Variants in CADM1 observed in about 807,000 individuals in gnomAD.
CADM1 encodes the protein cell adhesion molecule 1.
Under a neutral mutation model 53.1 loss-of-function variants are expected in CADM1, and 15 were observed. That is an observed-to-expected ratio of 0.28 (90% CI 0.19 to 0.44). The LOEUF (loss-of-function observed/expected upper bound fraction) is 0.44. CADM1 is among the 20% of genes least tolerant of loss of function. The pLI, the probability that CADM1 is intolerant of heterozygous loss-of-function variation, is 1.00. For synonymous variants in CADM1, 281 were observed against 243.0 expected (o/e 1.16, Z -1.45); for missense variants, 434 against 611.3 (o/e 0.71, Z 3.06).
intron 1 of CADM1, among the ~76,000 whole-genome samples, chr11:115,410,460 GAAAAAT>G (rs1486767076): frequency 1.3e-5 from 2 of 151,954 alleles, no homozygotes; most frequent in Non-Finnish European, 2.9e-5. Context: ...TCCTCTCTAA[GAAAAAT>G]AAACAAAGTC....
intron 1 of CADM1, among the ~76,000 whole-genome samples, chr11:115,282,593 G>T (rs1485405598): frequency 6.6e-6 from 1 of 152,182 alleles, no homozygotes; most frequent in East Asian, 1.9e-4. Context: ...CTAGGAAAGT[G>T]TTGGCAATTT....
chr11:115,463,108 C>T (rs1251449971), intron 1 of CADM1, among the ~76,000 whole-genome samples: 2 of 152,140 alleles, frequency 1.3e-5, no homozygotes, highest in East Asian at 1.9e-4. Context: ...AACACAGACT[C>T]TCCCCAAAAA....
chr11:115,422,140 G>A (rs1461141666), intron 1 of CADM1, among the ~76,000 whole-genome samples: 1 of 152,196 alleles, frequency 6.6e-6, no homozygotes, highest in East Asian at 1.9e-4. Context: ...CCACAGGTGT[G>A]TCCAGGCAAG....
chr11:115,437,597 C>T lies in CADM1; in HGVS notation c.124+66674G>A, dbSNP rs146240544. Among the ~76,000 whole-genome samples the T allele has an allele frequency of 5.6e-3, 859 of 152,272 alleles. 7 individuals carry two copies. The highest frequency in any genetic ancestry group is 9.7e-3 in the Non-Finnish European group (657 of 68,012). On this transcript the variant is annotated intron_variant, in intron 1 of 11. Coordinates refer to ENST00000331581, the MANE Select transcript of CADM1 (RefSeq NM_001301043.2). Reference sequence around the variant, plus strand: ...CAGGAGAAACGGGAAGATACCAAAGCGATGGGCAAATCAACATCCCTTAAA... The same window carrying T: ...CAGGAGAAACGGGAAGATACCAAAGTGATGGGCAAATCAACATCCCTTAAA...
chr11:115,369,205 T>C (rs1474189966), intron 1 of CADM1, among the ~76,000 whole-genome samples: 2 of 152,036 alleles, frequency 1.3e-5, no homozygotes, highest in Non-Finnish European at 2.9e-5. Context: ...ACTGCAAACA[T>C]GCCACTAAAA....
intron 1 of CADM1, among the ~76,000 whole-genome samples, chr11:115,373,270 C>T (rs897244531): frequency 1.8e-4 from 28 of 152,110 alleles, no homozygotes; most frequent in African/African-American, 6.3e-4. Context: ...TCAGATTGTA[C>T]ACAGGTGGCT....
chr11:115,464,059 T>C (rs182462978), intron 1 of CADM1, among the ~76,000 whole-genome samples: 1 of 152,340 alleles, frequency 6.6e-6, no homozygotes, highest in East Asian at 1.9e-4. Context: ...TGCTGAAGTC[T>C]GCTGACAGAG....
At chr11:115,206,686 A>G (rs1255397972) in intron 8 of CADM1, among the ~76,000 whole-genome samples, 1 of 147,658 alleles carries the variant, frequency 6.8e-6, no homozygotes, top group Non-Finnish European at 1.5e-5. Flanking sequence ...CTTGTAATGA[A>G]ACCCTGACCT....
At chr11:115,255,526 A>T (rs952098268) in intron 1 of CADM1, among the ~76,000 whole-genome samples, 1 of 152,318 alleles carries the variant, frequency 6.6e-6, no homozygotes, top group South Asian at 2.1e-4. Context: ...GGCCTGGAGT[A>T]TATTAATTCC....
intron 1 of CADM1, among the ~76,000 whole-genome samples, chr11:115,459,308 C>T (rs1425523009): frequency 1.3e-5 from 2 of 152,106 alleles, no homozygotes; most frequent in Non-Finnish European, 2.9e-5. Context: ...CAACAAAAGG[C>T]CTAACTTTCA....
chr11:115,288,002 G>A (rs528246000), intron 1 of CADM1, among the ~76,000 whole-genome samples: 8 of 152,282 alleles, frequency 5.3e-5, no homozygotes, highest in East Asian at 1.9e-4. Context: ...GTGTGGGGAG[G>A]CTGATATTTC....
chr11:115,482,505 T>A lies in CADM1; in HGVS notation c.124+21766A>T, dbSNP rs148077044. Among the ~76,000 whole-genome samples, 48 of 152,312 alleles carry A rather than the reference T, an allele frequency of 3.2e-4. 2 individuals are homozygous for A. In the East Asian group the frequency reaches 9.3e-3, roughly 29 times the overall value. ...AGGATGAGGACAAAATTTAGTCACA[T>A]TAATTTTAACTCTTAAACAGTACTT... On this transcript the variant is annotated intron_variant, in intron 1 of 11. Transcript: ENST00000331581.
chr11:115,364,827 A>G (rs2135105889), intron 1 of CADM1, among the ~76,000 whole-genome samples: 1 of 152,356 alleles, frequency 6.6e-6, no homozygotes, highest in Non-Finnish European at 1.5e-5. Context: ...ACAAAGTAGT[A>G]AAACGAACAA....
At chr11:115,259,290 CTTTTTTTTT>C (rs71066411) in intron 1 of CADM1, among the ~76,000 whole-genome samples, 19 of 55,084 alleles carry the variant, frequency 3.4e-4, no homozygotes, top group East Asian at 7.0e-4. Context: ...CCAGTCTTAA[CTTTTTTTTT>C]TTTTTTTTTT....
intron 3 of CADM1, among the ~76,000 whole-genome samples, chr11:115,235,169 G>GT (rs35400691): frequency 0.11 from 16,083 of 142,876 alleles, 1,543 homozygotes; most frequent in East Asian, 0.43. Flanking sequence ...ACTTTGCTCA[G>GT]TTTTTTTTTT....
chr11:115,223,304 T>C (rs1164329121), intron 5 of CADM1, among the ~76,000 whole-genome samples: 3 of 152,200 alleles, frequency 2.0e-5, no homozygotes, highest in Non-Finnish European at 2.9e-5. Flanking sequence ...GCACTTCCGA[T>C]GTGTCTCTAA....
intron 1 of CADM1, among the ~76,000 whole-genome samples, chr11:115,496,829 C>T (rs575040642): frequency 6.6e-6 from 1 of 152,156 alleles, no homozygotes; most frequent in East Asian, 1.9e-4. Flanking sequence ...AATTTAGGGG[C>T]CTTGGAGACC....
chr11:115,289,072 A>G lies in CADM1; in HGVS notation c.125-48652T>C, dbSNP rs557200763. On this transcript the variant is annotated intron_variant, in intron 1 of 11. Coordinates refer to ENST00000331581, the MANE Select transcript of CADM1 (RefSeq NM_001301043.2). ...GCTTAAACGTTTCTGGAGATGAAAA[A>G]TAAGAGTTATTGCCAGGCTCGGTGG... Among the ~76,000 whole-genome samples, 4 of 152,328 alleles carry G rather than the reference A, an allele frequency of 2.6e-5. No individual in the cohort carries two copies. In the South Asian group the frequency reaches 8.3e-4, roughly 32 times the overall value.
At chr11:115,427,854 A>G (rs555800394) in intron 1 of CADM1, among the ~76,000 whole-genome samples, 133 of 151,860 alleles carry the variant, frequency 8.8e-4, no homozygotes, top group African/African-American at 3.0e-3. Flanking sequence ...AAAAATACAA[A>G]AACTTAGCCA....
Sources: gnomAD v4.1 joint callset for allele counts (sites outside exome capture counted in the v4.1 genomes callset) on GRCh38, gnomAD v4.1.1 for gene constraint, MANE v1.5 for transcripts, NCBI Gene and HGNC (gene_info 2026-07-23, HGNC 2026-07-21) for gene names.